The following TTBK2 variants were observed in gnomAD, a reference collection of about 807,000 sequenced individuals.
The protein encoded by TTBK2 is tau-tubulin kinase 2.
In TTBK2, 28 loss-of-function variants were observed where a neutral mutation model predicts 110.8. The ratio of observed to expected loss-of-function variants is 0.25; its 90% CI spans 0.19 to 0.35. The LOEUF is 0.35. TTBK2 is among the 10% of genes least tolerant of loss of function. The pLI is 1.00. For missense variants in TTBK2, 1,369 were observed against 1,500.3 expected, an observed-to-expected ratio of 0.91 and a Z score of 1.45; for synonymous variants, 532 against 527.3, an observed-to-expected ratio of 1.01 and a Z score of -0.12.
intron 3 of TTBK2, among the ~76,000 whole-genome samples, chr15:42,856,222 A>T (rs1205225675): frequency 6.6e-6 from 1 of 152,216 alleles, no homozygotes; most frequent in Non-Finnish European, 1.5e-5. Context: ...CAACAATAAT[A>T]ACAGCATGAA....
intron 3 of TTBK2, among the ~76,000 whole-genome samples, chr15:42,869,130 C>G (rs1395746813): frequency 5.3e-5 from 8 of 152,036 alleles, no homozygotes; most frequent in Non-Finnish European, 8.8e-5. Flanking sequence ...CTCCATTGCC[C>G]AAGCTAGAGT....
rs1414265400 is a variant in TTBK2, at chr15:42,777,113, A to T, written c.1327T>A (p.Leu443Ile). The T allele has an allele frequency of 1.9e-6, 3 of 1,614,212 alleles. No homozygotes were observed. The South Asian group carries it at 3.3e-5, about 18-fold the overall frequency. ...AGCTCAAAGCTGTGAATGGAACGTA[A>T]CTTTCGCACCAGTGGAATATCTCTG... Reference protein sequence around the residue: ...PDRDIPLVRKLRSIHSFELEK... With the variant: ...PDRDIPLVRKIRSIHSFELEK... Residue 443 changes from leucine (L) to isoleucine (I), a missense_variant, in exon 12 of 15, where the codon TTA becomes ATA. Leu to Ile is a conservative substitution (Grantham distance 5). Transcript: ENST00000267890.
intron 2 of TTBK2, among the ~76,000 whole-genome samples, chr15:42,873,393 C>T (rs2141119211): frequency 6.6e-6 from 1 of 152,138 alleles, no homozygotes; most frequent in South Asian, 2.1e-4. Flanking sequence ...AAGATCCTGC[C>T]ACTGCATTCC....
At chr15:42,815,943 T>TTTAA (rs1891947844) in intron 7 of TTBK2, among the ~76,000 whole-genome samples, 1 of 25,772 alleles carries the variant, frequency 3.9e-5, no homozygotes, top group Non-Finnish European at 6.6e-5. Context: ...TATATATATA[T>TTTAA]ATATTTAAAA....
intron 2 of TTBK2, among the ~76,000 whole-genome samples, chr15:42,878,214 C>T (rs193200445): frequency 1.3e-5 from 2 of 151,212 alleles, no homozygotes; most frequent in African/African-American, 4.9e-5. Flanking sequence ...GATCTCCTGA[C>T]CTCGTGATCC....
intron 13 of TTBK2, among the ~76,000 whole-genome samples, chr15:42,766,903 T>C (rs1245859660): frequency 6.6e-6 from 1 of 152,120 alleles, no homozygotes; most frequent in Non-Finnish European, 1.5e-5. Context: ...CCTCAGCAAA[T>C]GTAAAAGAAC....
chr15:42,896,457 T>C (rs910437111), intron 1 of TTBK2, among the ~76,000 whole-genome samples: 4 of 151,950 alleles, frequency 2.6e-5, no homozygotes, highest in African/African-American at 4.8e-5. Flanking sequence ...CTACACAAAA[T>C]GTAACTCATA....
At chr15:42,888,809 C>G (rs1342731155) in intron 1 of TTBK2, among the ~76,000 whole-genome samples, 1 of 152,144 alleles carries the variant, frequency 6.6e-6, no homozygotes, top group Non-Finnish European at 1.5e-5. Context: ...GGCATCAGAT[C>G]CCATCGCTCA....
At chr15:42,839,179 A>G (rs140476327) in intron 4 of TTBK2, among the ~76,000 whole-genome samples, 175 of 152,244 alleles carry the variant, frequency 1.1e-3, no homozygotes, top group African/African-American at 4.0e-3. Flanking sequence ...GCTCCCACTT[A>G]TCAGTAAGAA....
chr15:42,820,975 T>C (rs1210496619), intron 6 of TTBK2, among the ~76,000 whole-genome samples: 1 of 151,844 alleles, frequency 6.6e-6, no homozygotes, highest in Non-Finnish European at 1.5e-5. Context: ...TGCTGAGCCA[T>C]GGCTGTAGTG....
At chr15:42,906,266 A>G (rs1166830028) in intron 1 of TTBK2, among the ~76,000 whole-genome samples, 1 of 152,182 alleles carries the variant, frequency 6.6e-6, no homozygotes, top group African/African-American at 2.4e-5. Context: ...ACATTCACAG[A>G]CATAATACTG....
intron 4 of TTBK2, among the ~76,000 whole-genome samples, chr15:42,836,088 CAT>C (rs1892974279): frequency 6.6e-6 from 1 of 151,988 alleles, no homozygotes; most frequent in African/African-American, 2.4e-5. Context: ...TAAAGATGCT[CAT>C]ATAAAGCTTC....
intron 9 of TTBK2, among the ~76,000 whole-genome samples, chr15:42,809,775 C>T (rs1405353491): frequency 6.6e-6 from 1 of 152,136 alleles, no homozygotes; most frequent in Non-Finnish European, 1.5e-5. Context: ...TGCTTTATAT[C>T]CTGTTTGTAT....
chr15:42,835,853 C>T (rs1360627147), intron 4 of TTBK2, among the ~76,000 whole-genome samples: 1 of 152,066 alleles, frequency 6.6e-6, no homozygotes, highest in African/African-American at 2.4e-5. Context: ...CAAGATTAGC[C>T]ATATACTGAT....
intron 13 of TTBK2, among the ~76,000 whole-genome samples, chr15:42,767,596 G>T (rs997787839): frequency 1.3e-5 from 2 of 152,112 alleles, no homozygotes; most frequent in African/African-American, 4.8e-5. Context: ...CCAATAACAG[G>T]CTCTGAAATT....
At chr15:42,807,751 T>C (rs1053574267) in intron 9 of TTBK2, among the ~76,000 whole-genome samples, 1 of 152,230 alleles carries the variant, frequency 6.6e-6, no homozygotes, top group Non-Finnish European at 1.5e-5. Context: ...CTGTCTCTTA[T>C]AGTTGTTATA....
At chr15:42,764,274 A>G (rs1021224926) in intron 13 of TTBK2, among the ~76,000 whole-genome samples, 7 of 152,198 alleles carry the variant, frequency 4.6e-5, no homozygotes, top group African/African-American at 1.7e-4. Flanking sequence ...GGTCCAGCCC[A>G]TGGAGGGCAA....
At position 42,752,688 on chromosome 15, in the gene TTBK2, T is replaced by C; in HGVS notation, c.2558A>G (p.Glu853Gly). The stretch of plus-strand genomic sequence containing the variant: ...TGGGTCAATGTCTCTGGAAGAAATT[T>C]CTGAAGTTCCAACTGTCAGAAGCTT... ...IMKLLTVGTS[E>G]ISSRDIDPHV... The change falls in exon 14 of 15, where the codon GAA (glutamate) becomes GGA (glycine). Residue 853 changes from glutamate (E) to glycine (G), a missense_variant. This residue lies in a region of TTBK2 where 1,097 missense variants were observed against 1,114.7 expected (regional missense o/e 0.98). Coordinates refer to ENST00000267890, the MANE Select transcript of TTBK2 (RefSeq NM_173500.4). 6.2e-7 allele frequency: 1 copy of C among 1,614,208 alleles called. No individual in the cohort carries two copies. The highest frequency in any genetic ancestry group is 8.5e-7 in the Non-Finnish European group (1 of 1,180,054).
chr15:42,895,258 CT>C (rs1895620895), intron 1 of TTBK2, among the ~76,000 whole-genome samples: 1 of 152,086 alleles, frequency 6.6e-6, no homozygotes, highest in African/African-American at 2.4e-5. Context: ...TTAAGTCTTA[CT>C]GTATAAAGCT....
Sources: gnomAD v4.1 joint callset for allele counts (sites outside exome capture counted in the v4.1 genomes callset) on GRCh38, gnomAD v4.1.1 for gene constraint, gnomAD v4.1.1 regional missense constraint, MANE v1.5 for transcripts, NCBI Gene and HGNC (gene_info 2026-07-23, HGNC 2026-07-21) for gene names.